Variants in ITGB7 observed in about 807,000 individuals in gnomAD.
The protein encoded by ITGB7 is integrin beta-7.
A neutral mutation model predicts 83.4 loss-of-function variants in ITGB7; 55 were observed. The ratio of observed to expected loss-of-function variants is 0.66; its 90% CI spans 0.53 to 0.83. The LOEUF is 0.83. ITGB7 is among the 40% of genes least tolerant of loss of function. The pLI, the probability that ITGB7 is intolerant of heterozygous loss-of-function variation, is 0.00. For synonymous variants in ITGB7, 454 were observed against 423.6 expected (o/e 1.07, Z -0.88); for missense variants, 921 against 1,046.7 (o/e 0.88, Z 1.66).
chr12:53,196,991 G>C (rs1424891510), intron 5 of ITGB7, 171 bp from the exon 6 acceptor site: 2 of 681,294 alleles, frequency 2.9e-6, no homozygotes, highest in African/African-American at 3.6e-5. Context: ...ACTGGCTCAG[G>C]GAAGTGGCAG....
intron 1 of ITGB7, chr12:53,201,407 CAGGTCTGGGATA>C: frequency 6.6e-6 from 1 of 152,102 alleles, no homozygotes; most frequent in Admixed American, 6.6e-5. Context: ...GAACTCTCTG[CAGGTCTGGGATA>C]AGGGGAGAAA....
At chr12:53,193,407 A>G in intron 11 of ITGB7, 44 bp from the exon 12 acceptor site, 3 of 1,399,920 alleles carry the variant, frequency 2.1e-6, no homozygotes, top group Non-Finnish European at 2.9e-6. Flanking sequence ...AGAGGGTTTG[A>G]TCACCCCTGA....
chr12:53,197,375 G>T, intron 5 of ITGB7, 118 bp downstream of exon 5: 1 of 1,145,344 alleles, frequency 8.7e-7, no homozygotes, highest in Non-Finnish European at 1.3e-6. Context: ...GCCTGGCTAG[G>T]CCTGTCAACA....
At position 53,200,655 on chromosome 12, in the gene ITGB7, G is replaced by A. The variant is rs760349427; in HGVS notation, c.-3-209C>T. 5.3e-5 allele frequency among the ~76,000 whole-genome samples: 8 copies of A among 152,108 alleles called. No homozygotes were observed. The East Asian group carries it at 1.2e-3, about 22-fold the overall frequency. The stretch of plus-strand genomic sequence containing the variant: ...CACGCAAAGGTAGGGGCCTCCGGAC[G>A]TGGTGGCTCATGCCTGTTATCTCAG... On this transcript the variant is annotated intron_variant, in intron 2 of 15. Coordinates refer to ENST00000267082, the MANE Select transcript of ITGB7 (RefSeq NM_000889.3).
rs752286976 is a variant in ITGB7, at chr12:53,196,690, C to T, written c.705G>A (p.Leu235=). 2.7e-5 allele frequency: 44 copies of T among 1,612,146 alleles called. No homozygotes were observed. The highest frequency in any genetic ancestry group is 3.7e-5 in the Non-Finnish European group (44 of 1,179,094). The change falls in exon 6 of 16, where the codon CTG becomes CTA. Residue 235 remains leucine (L), a synonymous_variant. Coordinates refer to ENST00000267082, the MANE Select transcript of ITGB7 (RefSeq NM_000889.3). ...SPFSFHHVLS[L]TGDAQAFERE... is the part of the protein sequence containing the mutation. Reference sequence around the variant, plus strand: ...GCTCGAAGGCTTGTGCGTCCCCCGTCAGGGACAGCACATGGTGAAAGCTGA... The same window carrying T: ...GCTCGAAGGCTTGTGCGTCCCCCGTTAGGGACAGCACATGGTGAAAGCTGA...
intron 5 of ITGB7, chr12:53,197,114 T>G: frequency 3.7e-6 from 2 of 540,874 alleles, no homozygotes; most frequent in East Asian, 3.2e-5. Context: ...GGAAGGAAAT[T>G]TGAATAGAGG....
chr12:53,197,264 A>G (rs1253726076), intron 5 of ITGB7: 2 of 618,086 alleles, frequency 3.2e-6, no homozygotes, highest in Middle Eastern at 2.6e-4. Flanking sequence ...GTCTCTCCAG[A>G]CGCTGGGTCT....
Position 53,191,924 on chromosome 12 carries a change from C to A in ITGB7, c.2251G>T (p.Glu751Ter). 2.5e-6 allele frequency: 4 copies of A among 1,611,124 alleles called. No individual in the cohort carries two copies. The highest frequency in any genetic ancestry group is 3.4e-6 in the Non-Finnish European group (4 of 1,179,994). The change falls in exon 15 of 16, where the codon GAA becomes TAA. Residue 751 changes from glutamate (E) to a stop codon, truncating the protein, a stop_gained. Coordinates refer to ENST00000267082, the MANE Select transcript of ITGB7 (RefSeq NM_000889.3). LOFTEE classifies it high-confidence loss of function. The part of the protein sequence containing the change: ...GLVLAYRLSV[E>*]IYDRREYSRF... ...CTGTATTCCCGGCGGTCATAGATTT[C>A]CACCGAGAGCCGGTAAGCCAGGACC...
At chr12:53,195,973 A>G in intron 7 of ITGB7, 68 bp downstream of exon 7, 1 of 1,564,634 alleles carries the variant, frequency 6.4e-7, no homozygotes. Context: ...TAAGGCTGGG[A>G]GTGGGAGTCC....
intron 1 of ITGB7, among the ~76,000 whole-genome samples, chr12:53,204,080 T>C (rs1480758890): frequency 6.6e-6 from 1 of 151,948 alleles, no homozygotes; most frequent in African/African-American, 2.4e-5. Context: ...TATTTGGCCA[T>C]AAAAAGCAAT....
At position 53,191,335 on chromosome 12, in the gene ITGB7, C is replaced by CT. The variant is rs953013874; in HGVS notation, c.*220dup. The CT allele has an allele frequency of 8.8e-6, 5 of 568,574 alleles. No individual in the cohort carries two copies. In the Admixed American group the frequency reaches 1.5e-4, roughly 17 times the overall value. The allele number at this position is 568,574 out of a possible 1,614,324, so 35.2% of individuals were successfully genotyped here. On this transcript the variant is annotated 3_prime_UTR_variant, in exon 16 of 16. Coordinates refer to ENST00000267082, the MANE Select transcript of ITGB7 (RefSeq NM_000889.3). ...GTGACAGCTGTGGTCTGAGGTAAGA[C>CT]TTTATTGTATACTTGGGTGGGGTAG...
chr12:53,195,104 G>A lies in ITGB7; in HGVS notation c.1161+270C>T. 1.8e-5 allele frequency: 9 copies of A among 495,326 alleles called. No individual in the cohort carries two copies. The South Asian group carries it at 2.2e-4, about 12-fold the overall frequency. 30.7% of individuals were successfully genotyped at this position (495,326 alleles called of 1,614,324 possible). A position where few individuals can be genotyped will look rare whatever the true frequency, so the allele number is the denominator to read the frequency against. On this transcript the variant is annotated intron_variant, in intron 9 of 15. Transcript: ENST00000267082. ...GCAAACAGTATGTACACCTAGGATGGTGGGCGCATGAAATAAAAGCTCAGT... is the reference window on the plus strand; with the variant it reads ...GCAAACAGTATGTACACCTAGGATGATGGGCGCATGAAATAAAAGCTCAGT...
chr12:53,203,394 T>A (rs1942360684), intron 1 of ITGB7, among the ~76,000 whole-genome samples: 1 of 152,032 alleles, frequency 6.6e-6, no homozygotes. Context: ...ACACCTGTAA[T>A]CCTAGCACTT....
chr12:53,197,733 C>A lies in ITGB7; in HGVS notation c.403+17G>T. 6.3e-7 allele frequency: 1 copy of A among 1,586,058 alleles called. No individual in the cohort carries two copies. The highest frequency in any genetic ancestry group is 1.3e-5 in the African/African-American group (1 of 74,150). On this transcript the variant is annotated intron_variant, in intron 4 of 15. Transcript: ENST00000267082. ...CCAGCCTAGACCTCTGGCCTGGCCCCGCCTCCCCTAACTCACCAGGCCGCA... is the reference window on the plus strand; with the variant it reads ...CCAGCCTAGACCTCTGGCCTGGCCCAGCCTCCCCTAACTCACCAGGCCGCA...
chr12:53,200,422 G>GGACCATTGGCAAAGCCAC lies in ITGB7; in HGVS notation c.4_21dup (p.Val2_Val7dup), dbSNP rs1329174051. On this transcript the variant is annotated inframe_insertion, in exon 3 of 16. Coordinates refer to ENST00000267082, the MANE Select transcript of ITGB7 (RefSeq NM_000889.3). Reference sequence around the variant, plus strand: ...CTGCTCAGGACCAGCAGCAAAACAAGGACCATTGGCAAAGCCACCATGCCC... The same window carrying GGACCATTGGCAAAGCCAC: ...CTGCTCAGGACCAGCAGCAAAACAAGGACCATTGGCAAAGCCACGACCATTGGCAAAGCCACCATGCCC... 6.2e-7 allele frequency: 1 copy of GGACCATTGGCAAAGCCAC among 1,614,142 alleles called. No individual in the cohort carries two copies. The highest frequency in any genetic ancestry group is 1.7e-5 in the Admixed American group (1 of 60,022).
intron 1 of ITGB7, among the ~76,000 whole-genome samples, chr12:53,206,229 C>G (rs1212815340): frequency 2.0e-5 from 3 of 152,164 alleles, no homozygotes; most frequent in African/African-American, 7.2e-5. Context: ...TCTATTGCAT[C>G]TCTCTGCTGC....
rs1312111583 is a variant in ITGB7, at chr12:53,197,853, G to A, written c.300C>T (p.Arg100=). 1 of 1,532,030 alleles carries A rather than the reference G, an allele frequency of 6.5e-7. No individual in the cohort carries two copies. The highest frequency in any genetic ancestry group is 1.2e-5 in the South Asian group (1 of 83,958). 94.9% of individuals were successfully genotyped at this position (1,532,030 alleles called of 1,614,324 possible). Residue 100 remains arginine, a synonymous_variant, in exon 4 of 16, where the codon CGC becomes CGT. Coordinates refer to ENST00000267082, the MANE Select transcript of ITGB7 (RefSeq NM_000889.3). ...GCPLEELEEP[R]GQQEVLQDQP... ...GGTCCTGCAGCACCTCCTGCTGGCCGCGGGGCTCCTCCAGCTCCTCCAGCG... is the reference window on the plus strand; with the variant it reads ...GGTCCTGCAGCACCTCCTGCTGGCCACGGGGCTCCTCCAGCTCCTCCAGCG...
chr12:53,195,665 G>A lies in ITGB7; in HGVS notation c.1032C>T (p.Pro344=), dbSNP rs1418397604. The part of the protein sequence containing the change: ...AQALSAANIQ[P]IFAVTSAALP... ...GTGCGGCACTGGTGACAGCAAAGAT[G>A]GGCTGGATATTTGCTGCAGAGAGGG... The change falls in exon 8 of 16, where the codon CCC becomes CCT. Residue 344 remains proline, a synonymous_variant. Transcript: ENST00000267082. 3.1e-6 allele frequency: 5 copies of A among 1,614,136 alleles called. No homozygotes were observed. Among genetic ancestry groups the A allele is most frequent in the East Asian group, 4.5e-5 (2 of 44,882 alleles).
At chr12:53,199,123 G>A (rs1176086177) in intron 3 of ITGB7, among the ~76,000 whole-genome samples, 1 of 152,090 alleles carries the variant, frequency 6.6e-6, no homozygotes, top group African/African-American at 2.4e-5. Flanking sequence ...CTGTAGCTCT[G>A]CTTCCATGTG....
Sources: allele counts gnomAD v4.1 joint callset (sites outside exome capture counted in the v4.1 genomes callset), GRCh38; gene constraint gnomAD v4.1.1; transcripts MANE v1.5; gene names NCBI Gene and HGNC (gene_info 2026-07-23, HGNC 2026-07-21).